IL22RA1: variants seen among roughly 807,000 people sequenced by gnomAD.
IL22RA1 encodes the protein interleukin-22 receptor subunit alpha-1.
Under a neutral mutation model 32.8 loss-of-function variants are expected in IL22RA1, and 25 were observed. The ratio of observed to expected loss-of-function variants is 0.76; its 90% CI spans 0.55 to 1.06. The LOEUF is 1.06. Among genes scored for constraint, IL22RA1 ranks in the 50% least tolerant of loss-of-function variants. The pLI, the probability that IL22RA1 is intolerant of heterozygous loss-of-function variation, is 0.00. For synonymous variants in IL22RA1, 305 were observed against 305.0 expected, an observed-to-expected ratio of 1.00 and a Z score of 0.00; for missense variants, 709 against 727.4, an observed-to-expected ratio of 0.97 and a Z score of 0.29.
chr1:24,142,412 G>GC (rs1644287865), intron 1 of IL22RA1, among the ~76,000 whole-genome samples: 1 of 152,206 alleles, frequency 6.6e-6, no homozygotes, highest in Non-Finnish European at 1.5e-5. Context: ...ATAATGATGA[G>GC]CCCCCCACTC....
intron 2 of IL22RA1, among the ~76,000 whole-genome samples, chr1:24,137,878 T>C (rs1216356141): frequency 6.6e-6 from 1 of 152,212 alleles, no homozygotes; most frequent in Non-Finnish European, 1.5e-5. Flanking sequence ...CCCACGTGTT[T>C]GAAGTGTGCA....
rs141565535 is a variant in IL22RA1, at chr1:24,138,709, C to G, written c.49G>C (p.Ala17Pro). Residue 17 changes from alanine to proline, a missense_variant, in exon 2 of 7, where the codon GCC becomes CCC. By Grantham distance (27) the Ala-to-Pro change is conservative (BLOSUM62 -1). Transcript: ENST00000270800. ...AGCAGATCCGAGGGGTCCTCAGGGG[C>G]GTGAGCTGCAGGAGGGTGGGAGGAG... The part of the protein sequence containing the change: ...ILTVGSLAAH[A>P]PEDPSDLLQH... 3.5e-4 allele frequency: 561 copies of G among 1,613,818 alleles called. No individual in the cohort carries two copies. Among genetic ancestry groups the G allele is most frequent in the Non-Finnish European group, 4.6e-4 (543 of 1,179,924 alleles).
In IL22RA1 at chr1:24,137,277, C is replaced by T; in HGVS notation, c.209G>A (p.Gly70Asp). The change falls in exon 3 of 7, where the codon GGC (glycine) becomes GAC (aspartate). Residue 70 changes from glycine to aspartate, a missense_variant. By Grantham distance (94) the Gly-to-Asp change is moderately conservative. Transcript: ENST00000270800. ...GGACTTCCGGGTGATCCGCTGACAG[C>T]CCTTCTTTGCCACCCAGTCCCTCTC... is the stretch of plus-strand genomic sequence containing the variant. Reference protein sequence around the residue: ...YGERDWVAKKGCQRITRKSCN... With the variant: ...YGERDWVAKKDCQRITRKSCN... 2 of 1,614,144 alleles carry T rather than the reference C, an allele frequency of 1.2e-6. No homozygotes were observed. Among genetic ancestry groups the T allele is most frequent in the Non-Finnish European group, 1.7e-6 (2 of 1,180,018 alleles).
At chr1:24,141,910 C>T (rs1644283581) in intron 1 of IL22RA1, among the ~76,000 whole-genome samples, 1 of 152,186 alleles carries the variant, frequency 6.6e-6, no homozygotes, top group African/African-American at 2.4e-5. Flanking sequence ...AGAAACAATT[C>T]CACATGCTCT....
intron 3 of IL22RA1, among the ~76,000 whole-genome samples, chr1:24,134,592 G>C (rs1419162354): frequency 6.6e-6 from 1 of 152,128 alleles, no homozygotes; most frequent in Non-Finnish European, 1.5e-5. Flanking sequence ...CTGGCAAAGG[G>C]ATGACCAAGA....
At chr1:24,138,866 G>C in intron 1 of IL22RA1, 152 bp from the exon 2 acceptor site, 7 of 865,798 alleles carry the variant, frequency 8.1e-6, no homozygotes, top group Non-Finnish European at 1.2e-5. Flanking sequence ...GGAGACCCTG[G>C]CCCCCAGCCT....
intron 1 of IL22RA1, among the ~76,000 whole-genome samples, chr1:24,141,483 C>T (rs1314220156): frequency 6.6e-6 from 1 of 152,112 alleles, no homozygotes. Flanking sequence ...GAGGGCCCAT[C>T]TGGGTTGCAA....
chr1:24,137,973 T>A (rs188162640), intron 2 of IL22RA1, among the ~76,000 whole-genome samples: 1 of 152,276 alleles, frequency 6.6e-6, no homozygotes, highest in Admixed American at 6.5e-5. Context: ...GTGGGCCCTG[T>A]TATCCCCATT....
In IL22RA1 at chr1:24,142,066, G is replaced by A. The variant is rs1265060928; in HGVS notation, c.43+974C>T. ...TAGGATTTCTAACCAGTATGGCTGAGGGTCTAAAGGGACGTGTCTTGGTGC... is the reference window on the plus strand; with the variant it reads ...TAGGATTTCTAACCAGTATGGCTGAAGGTCTAAAGGGACGTGTCTTGGTGC... On this transcript the variant is annotated intron_variant, in intron 1 of 6. Coordinates refer to ENST00000270800, the MANE Select transcript of IL22RA1 (RefSeq NM_021258.4). Among the ~76,000 whole-genome samples the A allele has an allele frequency of 3.3e-5, 5 of 152,160 alleles. No homozygotes were observed. In the East Asian group the frequency reaches 9.7e-4, roughly 29 times the overall value.
chr1:24,125,211 C>T (rs530192969), intron 5 of IL22RA1, among the ~76,000 whole-genome samples: 1 of 152,248 alleles, frequency 6.6e-6, no homozygotes, highest in South Asian at 2.1e-4. Context: ...TCATCAAACA[C>T]ATCACAGAGG....
At chr1:24,129,211 GT>G (rs1438427003) in intron 4 of IL22RA1, among the ~76,000 whole-genome samples, 1 of 152,102 alleles carries the variant, frequency 6.6e-6, no homozygotes, top group Non-Finnish European at 1.5e-5. Context: ...CCTCAATGTT[GT>G]TCTGCAAGAT....
rs1420557295 is a variant in IL22RA1, at chr1:24,137,060, G to A, written c.355+71C>T. Reference sequence around the variant, plus strand: ...CCTCCACCCACTCCAGAGGGGAAGAGGCCATCCCACCCCGCAAACACCTGC... The same window carrying A: ...CCTCCACCCACTCCAGAGGGGAAGAAGCCATCCCACCCCGCAAACACCTGC... On this transcript the variant is annotated intron_variant, in intron 3 of 6. Coordinates refer to ENST00000270800, the MANE Select transcript of IL22RA1 (RefSeq NM_021258.4). 6.9e-6 allele frequency: 10 copies of A among 1,451,926 alleles called. No individual in the cohort carries two copies. The East Asian group carries it at 1.6e-4, about 24-fold the overall frequency. The allele number at this position is 1,451,926 out of a possible 1,614,324, so 89.9% of individuals were successfully genotyped here.
chr1:24,121,669 A>G lies in IL22RA1; in HGVS notation c.861T>C (p.Phe287=), dbSNP rs1266886137. ...FIQEHVLIPV[F]DLSGPSSLAQ... is the part of the protein sequence containing the mutation. ...CCAGACTGCTGGGGCCGCTGAGGTC[A>G]AAGACAGGGATCAGGACGTGCTCCT... is the stretch of plus-strand genomic sequence containing the variant. Residue 287 remains phenylalanine (F), a synonymous_variant, in exon 7 of 7, where the codon TTT becomes TTC. Coordinates refer to ENST00000270800, the MANE Select transcript of IL22RA1 (RefSeq NM_021258.4). The G allele has an allele frequency of 6.2e-7, 1 of 1,605,208 alleles. No individual in the cohort carries two copies.
At chr1:24,123,690 G>A in intron 5 of IL22RA1, 1 of 626,388 alleles carries the variant, frequency 1.6e-6, no homozygotes, top group Admixed American at 3.8e-5. Context: ...CAACCACCTG[G>A]GATGCCATAT....
At chr1:24,138,871 C>T (rs867410498) in intron 1 of IL22RA1, among the ~76,000 whole-genome samples, 157 bp from the exon 2 acceptor site, 6 of 152,210 alleles carry the variant, frequency 3.9e-5, no homozygotes, top group Non-Finnish European at 1.5e-5. Context: ...CCCTGGCCCC[C>T]AGCCTTCTAC....
chr1:24,133,864 C>T (rs1249308813), intron 4 of IL22RA1, among the ~76,000 whole-genome samples: 1 of 152,076 alleles, frequency 6.6e-6, no homozygotes, highest in Non-Finnish European at 1.5e-5. Context: ...CACATGTATA[C>T]ATATGTAGCT....
intron 1 of IL22RA1, among the ~76,000 whole-genome samples, chr1:24,142,451 GC>G (rs747387236): frequency 6.6e-6 from 1 of 152,174 alleles, no homozygotes; most frequent in Non-Finnish European, 1.5e-5. Context: ...TGAACACTAT[GC>G]CCTTAAGACC....
intron 4 of IL22RA1, among the ~76,000 whole-genome samples, chr1:24,133,437 A>G (rs1008780816): frequency 2.6e-5 from 4 of 152,156 alleles, no homozygotes; most frequent in Non-Finnish European, 5.9e-5. Context: ...AAAGTAGGAA[A>G]TAAATATTCA....
intron 1 of IL22RA1, among the ~76,000 whole-genome samples, chr1:24,141,106 G>A (rs1483003685): frequency 6.6e-6 from 1 of 152,230 alleles, no homozygotes. Flanking sequence ...GCTGCAAAAT[G>A]TCTTCAGGCT....
Sources: allele counts gnomAD v4.1 joint callset (sites outside exome capture counted in the v4.1 genomes callset), GRCh38; gene constraint gnomAD v4.1.1; transcripts MANE v1.5; gene names NCBI Gene and HGNC (gene_info 2026-07-23, HGNC 2026-07-21).